The following C1QTNF7 variants were observed in gnomAD, a reference collection of about 807,000 sequenced individuals.
The protein encoded by C1QTNF7 is C1q and TNF related 7, also known as complement C1q tumor necrosis factor-related protein 7.
C1QTNF7 carries 15 observed loss-of-function variants against 19.6 expected under a neutral mutation model. The observed-to-expected ratio is 0.76, with a 90% CI of 0.51 to 1.18. C1QTNF7 has a LOEUF of 1.18. C1QTNF7 is among the 50% of genes most tolerant of loss of function. The probability of loss-of-function intolerance (pLI) is 0.00; values close to 1 mark genes in which losing one functional copy is unlikely to be tolerated. For synonymous variants in C1QTNF7, 142 were observed against 137.5 expected, an observed-to-expected ratio of 1.03 and a Z score of -0.23; for missense variants, 324 against 359.7, an observed-to-expected ratio of 0.90 and a Z score of 0.80.
At chr4:15,359,735 C>A (rs1216913372) in intron 1 of C1QTNF7, among the ~76,000 whole-genome samples, 2 of 152,248 alleles carry the variant, frequency 1.3e-5, no homozygotes, top group East Asian at 3.9e-4. Context: ...CTGGAGTTTT[C>A]AACTCCTTGA....
intron 1 of C1QTNF7, among the ~76,000 whole-genome samples, chr4:15,345,861 C>T (rs1389041146): frequency 9.2e-5 from 14 of 152,110 alleles, no homozygotes; most frequent in Non-Finnish European, 1.5e-5. Flanking sequence ...CTCTTTGTCC[C>T]TATTGTTTAG....
intron 1 of C1QTNF7, among the ~76,000 whole-genome samples, chr4:15,345,945 A>T: frequency 6.6e-6 from 1 of 152,170 alleles, no homozygotes; most frequent in East Asian, 1.9e-4. Context: ...AACTTATATA[A>T]TGCCTGCCTT....
chr4:15,354,848 T>C (rs887852307), intron 1 of C1QTNF7, among the ~76,000 whole-genome samples: 9 of 152,044 alleles, frequency 5.9e-5, no homozygotes, highest in African/African-American at 2.4e-5. Flanking sequence ...AACAACAGAA[T>C]GGGAAGGGTT....
chr4:15,341,214 C>A (rs1716525156), intron 1 of C1QTNF7, among the ~76,000 whole-genome samples: 1 of 152,158 alleles, frequency 6.6e-6, no homozygotes. Flanking sequence ...GAGTGGTTTG[C>A]GACATTTAGG....
chr4:15,419,488 T>C (rs780460495), intron 1 of C1QTNF7, among the ~76,000 whole-genome samples: 1 of 152,158 alleles, frequency 6.6e-6, no homozygotes, highest in Non-Finnish European at 1.5e-5. Context: ...AGCAACAGTG[T>C]ATAGGTACTA....
intron 1 of C1QTNF7, among the ~76,000 whole-genome samples, chr4:15,375,251 T>C (rs1717895710): frequency 6.6e-6 from 1 of 152,218 alleles, no homozygotes; most frequent in African/African-American, 2.4e-5. Flanking sequence ...AATATTGTTC[T>C]GTGGAGATTT....
chr4:15,357,197 C>T (rs1717176018), intron 1 of C1QTNF7, among the ~76,000 whole-genome samples: 1 of 152,100 alleles, frequency 6.6e-6, no homozygotes, highest in Admixed American at 6.5e-5. Flanking sequence ...ATGGTATTGC[C>T]TAGGTTTTCT....
At chr4:15,363,665 C>A (rs990758250) in intron 1 of C1QTNF7, among the ~76,000 whole-genome samples, 2 of 152,116 alleles carry the variant, frequency 1.3e-5, no homozygotes, top group African/African-American at 4.8e-5. Context: ...CACATTGCCT[C>A]CCCAGACAAA....
rs140824961 is a variant in C1QTNF7, at chr4:15,442,281, A to G, written c.352A>G (p.Ile118Val). Residue 118 changes from isoleucine to valine, a missense_variant, in exon 3 of 3, where the codon ATT becomes GTT. Physicochemically the swap from Ile to Val is conservative, Grantham distance 29. Transcript: ENST00000444304. The stretch of plus-strand genomic sequence containing the variant: ...GGGAGAGAAAGGAGAAGTAGGTCCA[A>G]TTGGTCCTCCTGGACCAAAGGGAGA... ...PEGEKGEVGP[I>V]GPPGPKGDRG... 12 of 1,613,966 alleles carry G rather than the reference A, an allele frequency of 7.4e-6. No individual in the cohort carries two copies. The highest frequency in any genetic ancestry group is 4.0e-5 in the African/African-American group (3 of 74,902).
At chr4:15,354,443 TG>T (rs1717056808) in intron 1 of C1QTNF7, among the ~76,000 whole-genome samples, 1 of 152,016 alleles carries the variant, frequency 6.6e-6, no homozygotes, top group South Asian at 2.1e-4. Context: ...GTACTGGATG[TG>T]GGGAGGCCAG....
intron 1 of C1QTNF7, among the ~76,000 whole-genome samples, chr4:15,392,442 C>T (rs1718594330): frequency 6.6e-6 from 1 of 152,232 alleles, no homozygotes; most frequent in Non-Finnish European, 1.5e-5. Context: ...GCCCGGTGCC[C>T]CTTCAGCCCC....
At chr4:15,426,697 C>T (rs1030613678), upstream of C1QTNF7, among the ~76,000 whole-genome samples, 4 of 152,080 alleles carry the variant, frequency 2.6e-5, no homozygotes, top group Non-Finnish European at 4.4e-5. Context: ...CAAATTCATC[C>T]ACTTCTGAGC....
At chr4:15,393,536 A>G (rs975986755) in intron 1 of C1QTNF7, among the ~76,000 whole-genome samples, 17 of 152,228 alleles carry the variant, frequency 1.1e-4, no homozygotes, top group South Asian at 1.0e-3. Context: ...CCAACACCCA[A>G]AGATCTTTAT....
rs1409852507 is a variant in C1QTNF7 at position 15,442,932 on chromosome 4, A to C, written c.*133A>C. 19 of 957,276 alleles carry C rather than the reference A, an allele frequency of 2.0e-5. No homozygotes were observed. The highest frequency in any genetic ancestry group is 2.8e-5 in the Non-Finnish European group (19 of 674,738). 59.3% of individuals were successfully genotyped at this position (957,276 alleles called of 1,614,324 possible). A position where few individuals can be genotyped will look rare whatever the true frequency, so the allele number is the denominator to read the frequency against. On this transcript the variant is annotated 3_prime_UTR_variant, in exon 3 of 3. Transcript: ENST00000444304. ...TTTAAAGACAATTCTAGCAGAATTT[A>C]TCAAAACAAGATGAAACACAGAAAA...
At chr4:15,349,349 C>T (rs1331400570) in intron 1 of C1QTNF7, among the ~76,000 whole-genome samples, 2 of 152,076 alleles carry the variant, frequency 1.3e-5, no homozygotes, top group African/African-American at 4.8e-5. Flanking sequence ...TTTGCATTTA[C>T]GCTGTATTTT....
intron 1 of C1QTNF7, among the ~76,000 whole-genome samples, chr4:15,343,419 C>G (rs4505816): frequency 0.14 from 22,018 of 151,922 alleles, 1,837 homozygotes; most frequent in East Asian, 0.39. Flanking sequence ...AATTGGGATT[C>G]TCATCTCTAA....
At chr4:15,418,561 T>G (rs1711554648) in intron 1 of C1QTNF7, among the ~76,000 whole-genome samples, 1 of 152,312 alleles carries the variant, frequency 6.6e-6, no homozygotes, top group African/African-American at 2.4e-5. Context: ...TCCCCAGGTA[T>G]CTCATCCTTA....
Position 15,435,765 on chromosome 4 carries a change from A to G in C1QTNF7, c.22A>G (p.Thr8Ala), listed in dbSNP as rs1241577248. The G allele has an allele frequency of 6.2e-7, 1 of 1,614,096 alleles. No individual in the cohort carries two copies. The highest frequency in any genetic ancestry group is 2.2e-5 in the East Asian group (1 of 44,870). Residue 8 changes from threonine (T) to alanine (A), a missense_variant, in exon 2 of 3, where the codon ACA becomes GCA. By Grantham distance (58) the Thr-to-Ala change is moderately conservative. Transcript: ENST00000444304. ...AAAGATGTTTGTCTTGCTCTATGTT[A>G]CAAGTTTTGCCATTTGTGCCAGTGG... Reference protein sequence around the residue: MFVLLYVTSFAICASGQP... With the variant: MFVLLYVASFAICASGQP...
chr4:15,345,450 C>G (rs576964509), intron 1 of C1QTNF7, among the ~76,000 whole-genome samples: 146 of 152,302 alleles, frequency 9.6e-4, no homozygotes, highest in African/African-American at 3.2e-3. Flanking sequence ...CCCAGTCTTT[C>G]CAGGTGTGAG....
Sources: gnomAD v4.1 joint callset for allele counts (sites outside exome capture counted in the v4.1 genomes callset) on GRCh38, gnomAD v4.1.1 for gene constraint, MANE v1.5 for transcripts, NCBI Gene and HGNC (gene_info 2026-07-23, HGNC 2026-07-21) for gene names.